KCNU1: variants seen among roughly 807,000 people sequenced by gnomAD.
KCNU1 encodes potassium channel subfamily U member 1.
KCNU1 carries 93 observed loss-of-function variants against 126.8 expected under a neutral mutation model. That is an observed-to-expected ratio of 0.73 (90% CI 0.62 to 0.87). KCNU1 has a LOEUF of 0.87. Ranked by LOEUF, KCNU1 falls within the 40% of genes least tolerant of loss-of-function variation. The pLI, the probability that KCNU1 is intolerant of heterozygous loss-of-function variation, is 0.00. For synonymous variants in KCNU1, 523 were observed against 494.2 expected, an observed-to-expected ratio of 1.06 and a Z score of -0.77; for missense variants, 1,330 against 1,367.1, an observed-to-expected ratio of 0.97 and a Z score of 0.43.
intron 25 of KCNU1, among the ~76,000 whole-genome samples, chr8:36,931,832 T>C (rs1012316630): frequency 6.6e-6 from 1 of 152,120 alleles, no homozygotes; most frequent in Non-Finnish European, 1.5e-5. Flanking sequence ...CTGAGGGAGC[T>C]GGTAAACAGT....
At chr8:36,813,005 G>A (rs1344692716) in intron 7 of KCNU1, among the ~76,000 whole-genome samples, 1 of 152,136 alleles carries the variant, frequency 6.6e-6, no homozygotes, top group African/African-American at 2.4e-5. Flanking sequence ...TTAGCTTAAA[G>A]GGAACCGTGC....
intron 22 of KCNU1, 48 bp from the exon 23 acceptor site, chr8:36,918,775 T>C (rs755906622): frequency 8.9e-7 from 1 of 1,122,220 alleles, no homozygotes; most frequent in Non-Finnish European, 1.4e-6. Flanking sequence ...TTTGACAAGT[T>C]TTGTAAGGCA....
intron 3 of KCNU1, 76 bp downstream of exon 3, chr8:36,804,164 A>C: frequency 1.1e-6 from 1 of 882,272 alleles, no homozygotes; most frequent in South Asian, 1.5e-5. Flanking sequence ...TCTCCTCAGG[A>C]ATAATGCTTA....
intron 19 of KCNU1, among the ~76,000 whole-genome samples, chr8:36,879,211 GTATATATATATATATATA>G (rs34121138): frequency 9.8e-6 from 1 of 101,754 alleles, no homozygotes; most frequent in Non-Finnish European, 2.0e-5. Flanking sequence ...GTGTGTGTGT[GTATATATATATATATATA>G]TATATATATA....
At chr8:36,920,570 A>G (rs1808302296) in intron 23 of KCNU1, among the ~76,000 whole-genome samples, 1 of 152,130 alleles carries the variant, frequency 6.6e-6, no homozygotes, top group South Asian at 2.1e-4. Context: ...CTGGCTGGAA[A>G]GGGTCATGTT....
chr8:36,882,641 T>C (rs1806530883), intron 19 of KCNU1, among the ~76,000 whole-genome samples: 1 of 152,116 alleles, frequency 6.6e-6, no homozygotes, highest in African/African-American at 2.4e-5. Context: ...TGGAGTACAG[T>C]GGCACGATCT....
At chr8:36,931,708 C>T (rs1466271193) in intron 25 of KCNU1, among the ~76,000 whole-genome samples, 1 of 152,026 alleles carries the variant, frequency 6.6e-6, no homozygotes, top group Non-Finnish European at 1.5e-5. Flanking sequence ...TCTCCCTATA[C>T]TTAAAATGCT....
intron 12 of KCNU1, 60 bp from the exon 13 acceptor site, chr8:36,836,236 A>T: frequency 9.5e-7 from 1 of 1,054,596 alleles, no homozygotes; most frequent in South Asian, 1.3e-5. Context: ...GAATTAAATT[A>T]TATTACAAAG....
chr8:36,875,623 G>T (rs1301278871), intron 19 of KCNU1, among the ~76,000 whole-genome samples: 1 of 151,690 alleles, frequency 6.6e-6, no homozygotes, highest in Non-Finnish European at 1.5e-5. Flanking sequence ...AAAATGTCCA[G>T]TTTCTATTTA....
chr8:36,870,099 C>T (rs995815127), intron 19 of KCNU1, among the ~76,000 whole-genome samples: 2 of 152,212 alleles, frequency 1.3e-5, no homozygotes, highest in African/African-American at 4.8e-5. Flanking sequence ...GCAATTCCAG[C>T]TCCTTCCTTG....
At chr8:36,913,324 G>A (rs1807961851) in intron 22 of KCNU1, among the ~76,000 whole-genome samples, 1 of 151,826 alleles carries the variant, frequency 6.6e-6, no homozygotes. Context: ...AAAAAAAATT[G>A]GAAAGGCAAA....
chr8:36,859,115 T>C (rs1437650579), intron 18 of KCNU1, among the ~76,000 whole-genome samples: 1 of 152,146 alleles, frequency 6.6e-6, no homozygotes, highest in Non-Finnish European at 1.5e-5. Flanking sequence ...AATGGCTTGG[T>C]GTGTCAATTT....
At chr8:36,885,607 A>G (rs1351161520) in intron 19 of KCNU1, among the ~76,000 whole-genome samples, 1 of 152,106 alleles carries the variant, frequency 6.6e-6, no homozygotes, top group Non-Finnish European at 1.5e-5. Context: ...AGCCTGGCCA[A>G]CATGGCGAAA....
Position 36,804,055 on chromosome 8 carries a change from G to A in KCNU1, c.344G>A (p.Gly115Glu), listed in dbSNP as rs753622564. The A allele has an allele frequency of 1.3e-6, 2 of 1,559,696 alleles. No homozygotes were observed. The highest frequency in any genetic ancestry group is 2.7e-5 in the African/African-American group (2 of 73,964). ...LVILVFVLSI[G>E]SLIIYFINSA... ...ATCCTTGTCTTTGTACTAAGCATTG[G>A]GTCTCTTATAATCTATTTCATCAAT... The change falls in exon 3 of 27, where the codon GGG becomes GAG. Residue 115 changes from glycine to glutamate, a missense_variant. Physicochemically the swap from Gly to Glu is moderately conservative, Grantham distance 98. Around this residue, in one of 3 missense-constraint regions of KCNU1, gnomAD observed 247 missense variants for 255.4 expected, o/e 0.97. Transcript: ENST00000399881.
chr8:36,840,923 C>T lies in KCNU1; in HGVS notation c.1632-9C>T. On this transcript the variant is annotated splice_polypyrimidine_tract_variant and intron_variant, in intron 15 of 26. Transcript: ENST00000399881. Reference sequence around the variant, plus strand: ...TGCTCTCCTTTTGACTCCTCGTCTTCCTTCCCAGGCTCTGCTTTCTGAAGA... The same window carrying T: ...TGCTCTCCTTTTGACTCCTCGTCTTTCTTCCCAGGCTCTGCTTTCTGAAGA... The T allele has an allele frequency of 6.2e-7, 1 of 1,607,058 alleles. No homozygotes were observed. Among genetic ancestry groups the T allele is most frequent in the African/African-American group, 1.3e-5 (1 of 74,890 alleles).
intron 10 of KCNU1, among the ~76,000 whole-genome samples, chr8:36,823,655 A>G (rs1320825129): frequency 6.6e-6 from 1 of 151,852 alleles, no homozygotes; most frequent in Non-Finnish European, 1.5e-5. Context: ...TAATAGAGGT[A>G]CCATATGAAT....
intron 19 of KCNU1, among the ~76,000 whole-genome samples, chr8:36,885,889 C>T (rs1193766918): frequency 6.6e-6 from 1 of 152,200 alleles, no homozygotes; most frequent in African/African-American, 2.4e-5. Context: ...GGCTTTGCCT[C>T]AGCTGAGGGA....
Position 36,808,700 on chromosome 8 carries a change from T to G in KCNU1, c.657-18T>G. 1 of 1,548,056 alleles carries G rather than the reference T, an allele frequency of 6.5e-7. No homozygotes were observed. The highest frequency in any genetic ancestry group is 2.3e-5 in the East Asian group (1 of 44,266). On this transcript the variant is annotated intron_variant, in intron 6 of 26. Coordinates refer to ENST00000399881, the MANE Select transcript of KCNU1 (RefSeq NM_001031836.3). ...GGAATCTGTTAGACCCAACAGCTCT[T>G]TGTCTCTCTTCCTCTAGTAACTCAG... is the stretch of plus-strand genomic sequence containing the variant.
At position 36,806,358 on chromosome 8, in the gene KCNU1, T is replaced by C. The variant is rs1265404432; in HGVS notation, c.558T>C (p.Tyr186=). 6.2e-7 allele frequency: 1 copy of C among 1,604,202 alleles called. No individual in the cohort carries two copies. Among genetic ancestry groups the C allele is most frequent in the Non-Finnish European group, 8.5e-7 (1 of 1,173,434 alleles). ...CCATCCCACCAACCTTTATTTCTTA[T>C]TATTTGAAGAGCAATTGGCTAGGTA... ...IFTIPPTFIS[Y]YLKSNWLGLR... The change falls in exon 5 of 27, where the codon TAT becomes TAC. Residue 186 remains tyrosine, a synonymous_variant. Coordinates refer to ENST00000399881, the MANE Select transcript of KCNU1 (RefSeq NM_001031836.3).
Sources: allele counts gnomAD v4.1 joint callset (sites outside exome capture counted in the v4.1 genomes callset), GRCh38; gene constraint gnomAD v4.1.1; regional missense constraint gnomAD v4.1.1; transcripts MANE v1.5; gene names NCBI Gene and HGNC (gene_info 2026-07-23, HGNC 2026-07-21).